The following HDAC1 variants were observed in gnomAD, a reference collection of about 807,000 sequenced individuals.
HDAC1 encodes histone deacetylase 1.
A neutral mutation model predicts 65.5 loss-of-function variants in HDAC1; 18 were observed. The ratio of observed to expected loss-of-function variants is 0.27; its 90% CI spans 0.19 to 0.41. The LOEUF is 0.41. Ranked by LOEUF, HDAC1 falls within the 10% of genes least tolerant of loss-of-function variation. HDAC1 has a pLI of 1.00. For missense variants in HDAC1, 373 were observed against 625.2 expected (o/e 0.60, Z 4.30); for synonymous variants, 211 against 227.9 (o/e 0.93, Z 0.67).
chr1:32,311,520 G>C (rs1241202289), intron 2 of HDAC1, among the ~76,000 whole-genome samples: 2 of 151,990 alleles, frequency 1.3e-5, no homozygotes, highest in East Asian at 3.8e-4. Flanking sequence ...CTAGGTGGTT[G>C]GTGCTGAGAA....
At chr1:32,308,449 A>G (rs1023165980) in intron 2 of HDAC1, among the ~76,000 whole-genome samples, 2 of 152,258 alleles carry the variant, frequency 1.3e-5, no homozygotes, top group East Asian at 3.8e-4. Flanking sequence ...AGGACCAATT[A>G]GGAGGCCAAA....
intron 6 of HDAC1, among the ~76,000 whole-genome samples, chr1:32,328,372 C>T (rs1010460106): frequency 1.3e-5 from 2 of 151,272 alleles, no homozygotes; most frequent in African/African-American, 2.4e-5. Context: ...AGTGCAGTGG[C>T]GTGATCTCGG....
chr1:32,331,640 G>A lies in HDAC1; in HGVS notation c.1089-36G>A. 6.2e-7 allele frequency: 1 copy of A among 1,613,542 alleles called. No homozygotes were observed. The highest frequency in any genetic ancestry group is 1.3e-5 in the African/African-American group (1 of 74,956). On this transcript the variant is annotated intron_variant, in intron 10 of 13. Transcript: ENST00000373548. This position sits in a 1 kb window ranked among gnomAD's most constrained non-coding sequence, Gnocchi z 4.2. ...ACATTCCTGACTTTGGTTTGTCCCT[G>A]ACCAGAGCCCTGCTACTCTCTCCCA...
chr1:32,319,174 G>T lies in HDAC1; in HGVS notation c.280+2392G>T, dbSNP rs982344990. ...AGTCTCAGCTACTTAGGAGGCTGAA[G>T]CAGGAAGATTTCTTGAGCCCAGGAG... is the stretch of plus-strand genomic sequence containing the variant. On this transcript the variant is annotated intron_variant, in intron 3 of 13. Transcript: ENST00000373548. Among the ~76,000 whole-genome samples the T allele has an allele frequency of 7.0e-4, 106 of 152,134 alleles. 2 individuals carry two copies. The highest frequency in any genetic ancestry group is 2.4e-4 in the Non-Finnish European group (16 of 68,034).
At chr1:32,295,188 T>C (rs1359479892) in intron 1 of HDAC1, among the ~76,000 whole-genome samples, 6 of 152,076 alleles carry the variant, frequency 3.9e-5, no homozygotes. Context: ...CTGGGGCGGA[T>C]GGTTCTCTTG....
intron 3 of HDAC1, among the ~76,000 whole-genome samples, chr1:32,319,320 C>T (rs1399424304): frequency 6.6e-6 from 1 of 151,532 alleles, no homozygotes; most frequent in Non-Finnish European, 1.5e-5. Context: ...ATAAGCCTCT[C>T]TAAGAACTTC....
At position 32,313,476 on chromosome 1, in the gene HDAC1, A is replaced by G. The variant is rs193271056; in HGVS notation, c.163-3189A>G. ...AGCCTTGAAGTCCTAGGCTCAAGCGATCCTCCAGGGCTTAGATCTTTAAAA... is the reference window on the plus strand; with the variant it reads ...AGCCTTGAAGTCCTAGGCTCAAGCGGTCCTCCAGGGCTTAGATCTTTAAAA... On this transcript the variant is annotated intron_variant, in intron 2 of 13. Coordinates refer to ENST00000373548, the MANE Select transcript of HDAC1 (RefSeq NM_004964.3). Among the ~76,000 whole-genome samples, 199 of 152,302 alleles carry G rather than the reference A, an allele frequency of 1.3e-3. 1 individual carries two copies. The East Asian group carries it at 0.019, about 15-fold the overall frequency.
Position 32,327,317 on chromosome 1 carries a change from T to C in HDAC1, c.495-219T>C, listed in dbSNP as rs1246597153. ...CCAGAGTGTCCCTGTGTGGCTGGAG[T>C]TGACCCTGGCTGTAGAGTAGGAAGA... On this transcript the variant is annotated intron_variant, in intron 5 of 13. Transcript: ENST00000373548. The surrounding 1 kb of genome is among the most constrained non-coding windows in gnomAD (Gnocchi z 6.0). The C allele has an allele frequency of 1.6e-6, 1 of 617,354 alleles. No individual in the cohort carries two copies. Among genetic ancestry groups the C allele is most frequent in the Admixed American group, 2.9e-5 (1 of 34,442 alleles). 38.2% of individuals were successfully genotyped at this position (617,354 alleles called of 1,614,324 possible). A position where few individuals can be genotyped will look rare whatever the true frequency, so the allele number is the denominator to read the frequency against.
In HDAC1 at chr1:32,331,654, T is replaced by C; in HGVS notation, c.1089-22T>C. On this transcript the variant is annotated intron_variant, in intron 10 of 13. Coordinates refer to ENST00000373548, the MANE Select transcript of HDAC1 (RefSeq NM_004964.3). This position sits in a 1 kb window ranked among gnomAD's most constrained non-coding sequence, Gnocchi z 4.2. ...GGTTTGTCCCTGACCAGAGCCCTGCTACTCTCTCCCATTGGCCACAGACAG... is the reference window on the plus strand; with the variant it reads ...GGTTTGTCCCTGACCAGAGCCCTGCCACTCTCTCCCATTGGCCACAGACAG... The C allele has an allele frequency of 6.2e-7, 1 of 1,613,436 alleles. No individual in the cohort carries two copies. The highest frequency in any genetic ancestry group is 8.5e-7 in the Non-Finnish European group (1 of 1,179,496).
At chr1:32,311,337 G>T (rs970693875) in intron 2 of HDAC1, among the ~76,000 whole-genome samples, 1 of 152,006 alleles carries the variant, frequency 6.6e-6, no homozygotes, top group Non-Finnish European at 1.5e-5. Flanking sequence ...GCGTGGTCGC[G>T]GGTGCCTGTA....
At chr1:32,292,412 AG>A (rs924507309) in intron 1 of HDAC1, 194 bp downstream of exon 1, 3 of 984,882 alleles carry the variant, frequency 3.0e-6, no homozygotes, top group Admixed American at 6.2e-5. Context: ...TGAGACCAAG[AG>A]GGGATCGCGT....
intron 2 of HDAC1, among the ~76,000 whole-genome samples, chr1:32,310,952 GAAAA>G (rs749018283): frequency 7.4e-5 from 11 of 148,824 alleles, no homozygotes; most frequent in African/African-American, 2.2e-4. Flanking sequence ...AGAGAGAAAA[GAAAA>G]AAAAAGAAAG....
At chr1:32,299,132 G>C (rs892856199) in intron 1 of HDAC1, among the ~76,000 whole-genome samples, 6 of 152,144 alleles carry the variant, frequency 3.9e-5, no homozygotes. Context: ...AAAGGATGCA[G>C]TCACCCAAGA....
At position 32,329,152 on chromosome 1, in the gene HDAC1, T is replaced by C. The variant is rs1222204550; in HGVS notation, c.721T>C (p.Phe241Leu). 2 of 1,605,494 alleles carry C rather than the reference T, an allele frequency of 1.2e-6. No individual in the cohort carries two copies. The highest frequency in any genetic ancestry group is 1.7e-6 in the Non-Finnish European group (2 of 1,172,202). The stretch of plus-strand genomic sequence containing the variant: ...TGATGACGAGTCCTATGAGGCCATT[T>C]TCAAGCCGGTAAGTGGCTTTATCCA... The part of the protein sequence containing the change: ...GIDDESYEAI[F>L]KPVMSKVMEM... The change falls in exon 7 of 14, where the codon TTC (phenylalanine) becomes CTC (leucine). Residue 241 changes from phenylalanine (F) to leucine (L), a missense_variant. Physicochemically the swap from Phe to Leu is conservative, Grantham distance 22. Around this residue, in one of 4 missense-constraint regions of HDAC1, gnomAD observed 105 missense variants for 192.6 expected, o/e 0.55. Transcript: ENST00000373548. The surrounding 1 kb of genome is among the most constrained non-coding windows in gnomAD (Gnocchi z 4.1).
intron 1 of HDAC1, among the ~76,000 whole-genome samples, chr1:32,293,264 T>A (rs1640722814): frequency 6.9e-6 from 1 of 145,724 alleles, no homozygotes; most frequent in Admixed American, 7.1e-5. Context: ...GAGGTTGCAG[T>A]GAGCTGAGAT....
chr1:32,322,575 T>TA (rs1343299959), intron 3 of HDAC1, among the ~76,000 whole-genome samples: 1 of 152,170 alleles, frequency 6.6e-6, no homozygotes, highest in Non-Finnish European at 1.5e-5. Context: ...GGCCAGTAGT[T>TA]ACCTTTTCTG....
At chr1:32,315,192 C>T (rs1399853777) in intron 2 of HDAC1, among the ~76,000 whole-genome samples, 1 of 152,004 alleles carries the variant, frequency 6.6e-6, no homozygotes, top group Non-Finnish European at 1.5e-5. Flanking sequence ...ATTAGCTTGT[C>T]AAGGAAGTGT....
intron 1 of HDAC1, among the ~76,000 whole-genome samples, chr1:32,298,242 C>T (rs1557599172): frequency 6.6e-6 from 1 of 151,902 alleles, no homozygotes; most frequent in Non-Finnish European, 1.5e-5. Flanking sequence ...GCATATGCCA[C>T]CACGCCCGGC....
chr1:32,296,070 T>C (rs1640763426), intron 1 of HDAC1, among the ~76,000 whole-genome samples: 1 of 152,168 alleles, frequency 6.6e-6, no homozygotes. Context: ...CCCATTTACT[T>C]GGTCATATTT....
Sources: gnomAD v4.1 joint callset for allele counts (sites outside exome capture counted in the v4.1 genomes callset) on GRCh38, gnomAD v4.1.1 for gene constraint, gnomAD v4.1.1 regional missense constraint, Gnocchi (gnomAD v3.1) non-coding constraint, MANE v1.5 for transcripts, NCBI Gene and HGNC (gene_info 2026-07-23, HGNC 2026-07-21) for gene names.